Variants in TICAM1 observed in about 807,000 individuals in gnomAD.
TICAM1 encodes TIR domain containing adaptor molecule 1, also known as TIR domain-containing adapter molecule 1.
For synonymous variants in TICAM1, 439 were observed against 415.4 expected (o/e 1.06, Z -0.69); for missense variants, 895 against 938.2 (o/e 0.95, Z 0.60).
At position 4,816,379 on chromosome 19, in the gene TICAM1, A is replaced by G; in HGVS notation, c.1999T>C (p.Ser667Pro). The change falls in exon 2 of 2, where the codon TCA becomes CCA. Residue 667 changes from serine (S) to proline (P), a missense_variant. Physicochemically the swap from Ser to Pro is moderately conservative, Grantham distance 74. Transcript: ENST00000248244. The surrounding 1 kb of genome is among the most constrained non-coding windows in gnomAD (Gnocchi z 4.3). ...FPQSPAFPTA[S>P]PAPPQSPGLQ... Reference sequence around the variant, plus strand: ...CCTGGGCTCTGAGGGGGTGCGGGTGAGGCCGTAGGGAAGGCTGGGGACTGC... The same window carrying G: ...CCTGGGCTCTGAGGGGGTGCGGGTGGGGCCGTAGGGAAGGCTGGGGACTGC... 6.3e-7 allele frequency: 1 copy of G among 1,586,536 alleles called. No homozygotes were observed. Among genetic ancestry groups the G allele is most frequent in the Non-Finnish European group, 8.6e-7 (1 of 1,167,616 alleles).
In TICAM1 at chr19:4,816,186, G is replaced by A; in HGVS notation, c.*53C>T. 6.8e-7 allele frequency: 1 copy of A among 1,464,362 alleles called. No homozygotes were observed. Among genetic ancestry groups the A allele is most frequent in the East Asian group, 2.4e-5 (1 of 41,964 alleles). The allele number at this position is 1,464,362 out of a possible 1,614,324, so 90.7% of individuals were successfully genotyped here. On this transcript the variant is annotated 3_prime_UTR_variant, in exon 2 of 2. Coordinates refer to ENST00000248244, the MANE Select transcript of TICAM1 (RefSeq NM_182919.4). This position sits in a 1 kb window ranked among gnomAD's most constrained non-coding sequence, Gnocchi z 4.3. ...GACCGGGGTGCTCTATGGGGTCCTGGCCGATGCCTGGGTCCAGGGGTGTTC... is the reference window on the plus strand; with the variant it reads ...GACCGGGGTGCTCTATGGGGTCCTGACCGATGCCTGGGTCCAGGGGTGTTC...
At chr19:4,824,933 C>CA (rs1171470603) in intron 1 of TICAM1, among the ~76,000 whole-genome samples, 16 of 145,056 alleles carry the variant, frequency 1.1e-4, no homozygotes, top group South Asian at 4.4e-4. Flanking sequence ...ACTCTGTCTC[C>CA]AAAAAAAAAT....
chr19:4,827,972 C>T (rs1252848747), intron 1 of TICAM1, among the ~76,000 whole-genome samples: 4 of 151,994 alleles, frequency 2.6e-5, no homozygotes, highest in Non-Finnish European at 5.9e-5. Context: ...CATACATTGG[C>T]ACGTACCCTC....
At position 4,818,767 on chromosome 19, in the gene TICAM1, C is replaced by T. The variant is rs930781555; in HGVS notation, c.-139-251G>A. Among the ~76,000 whole-genome samples, 2 of 152,062 alleles carry T rather than the reference C, an allele frequency of 1.3e-5. No homozygotes were observed. The highest frequency in any genetic ancestry group is 2.9e-5 in the Non-Finnish European group (2 of 68,018). Reference sequence around the variant, plus strand: ...GGAGGATCACTTAAGCCCAGGACTTCGAGACCAGCCTGGGCAACACAGCCA... The same window carrying T: ...GGAGGATCACTTAAGCCCAGGACTTTGAGACCAGCCTGGGCAACACAGCCA... On this transcript the variant is annotated intron_variant, in intron 1 of 1. Coordinates refer to ENST00000248244, the MANE Select transcript of TICAM1 (RefSeq NM_182919.4). The surrounding 1 kb of genome is among the most constrained non-coding windows in gnomAD (Gnocchi z 4.0).
chr19:4,829,780 A>G (rs2093611199), intron 1 of TICAM1, among the ~76,000 whole-genome samples: 1 of 151,496 alleles, frequency 6.6e-6, no homozygotes, highest in East Asian at 1.9e-4. Context: ...CTTTTTAAAA[A>G]AATTTTTGAT....
Position 4,816,216 on chromosome 19 carries a change from G to A in TICAM1, c.*23C>T. ...TGCCTGGGTCCAGGGGTGTTCCCCAGGTGGTCAGGCAAGGACACGCGGTCA... is the reference window on the plus strand; with the variant it reads ...TGCCTGGGTCCAGGGGTGTTCCCCAAGTGGTCAGGCAAGGACACGCGGTCA... On this transcript the variant is annotated 3_prime_UTR_variant, in exon 2 of 2. Transcript: ENST00000248244. This position sits in a 1 kb window ranked among gnomAD's most constrained non-coding sequence, Gnocchi z 4.3. 2.7e-6 allele frequency: 4 copies of A among 1,494,354 alleles called. No homozygotes were observed. Among genetic ancestry groups the A allele is most frequent in the Non-Finnish European group, 3.6e-6 (4 of 1,126,642 alleles). 92.6% of individuals were successfully genotyped at this position (1,494,354 alleles called of 1,614,324 possible). A position where few individuals can be genotyped will look rare whatever the true frequency, so the allele number is the denominator to read the frequency against.
chr19:4,818,894 G>A lies in TICAM1; in HGVS notation c.-139-378C>T, dbSNP rs1483647406. ...GGAGGCCGAGGCGGGGGGATCACCTGAGGTCAGGAGTTCGAGACCAGCCTG... is the reference window on the plus strand; with the variant it reads ...GGAGGCCGAGGCGGGGGGATCACCTAAGGTCAGGAGTTCGAGACCAGCCTG... On this transcript the variant is annotated intron_variant, in intron 1 of 1. Transcript: ENST00000248244. This position sits in a 1 kb window ranked among gnomAD's most constrained non-coding sequence, Gnocchi z 4.0. Among the ~76,000 whole-genome samples, 8 of 152,100 alleles carry A rather than the reference G, an allele frequency of 5.3e-5. No homozygotes were observed. Among genetic ancestry groups the A allele is most frequent in the Non-Finnish European group, 1.0e-4 (7 of 68,016 alleles).
chr19:4,827,816 T>C (rs2093608158), intron 1 of TICAM1, among the ~76,000 whole-genome samples: 1 of 151,808 alleles, frequency 6.6e-6, no homozygotes, highest in Admixed American at 6.6e-5. Context: ...CCAAAACTTT[T>C]TGAAATGATC....
In TICAM1 at chr19:4,816,217, G is replaced by C. The variant is rs759894453; in HGVS notation, c.*22C>G. On this transcript the variant is annotated 3_prime_UTR_variant, in exon 2 of 2. Transcript: ENST00000248244. This position sits in a 1 kb window ranked among gnomAD's most constrained non-coding sequence, Gnocchi z 4.3. Reference sequence around the variant, plus strand: ...GCCTGGGTCCAGGGGTGTTCCCCAGGTGGTCAGGCAAGGACACGCGGTCAT... The same window carrying C: ...GCCTGGGTCCAGGGGTGTTCCCCAGCTGGTCAGGCAAGGACACGCGGTCAT... The C allele has an allele frequency of 8.7e-6, 13 of 1,494,144 alleles. No individual in the cohort carries two copies. In the African/African-American group the frequency reaches 1.8e-4, roughly 21 times the overall value. 92.6% of individuals were successfully genotyped at this position (1,494,144 alleles called of 1,614,324 possible). A position where few individuals can be genotyped will look rare whatever the true frequency, so the allele number is the denominator to read the frequency against.
At chr19:4,825,680 G>A (rs1238886768) in intron 1 of TICAM1, among the ~76,000 whole-genome samples, 1 of 151,362 alleles carries the variant, frequency 6.6e-6, no homozygotes, top group African/African-American at 2.4e-5. Context: ...AAAATAGGCC[G>A]GGTGTGGTGG....
At position 4,817,411 on chromosome 19, in the gene TICAM1, T is replaced by G. The variant is rs2093588503; in HGVS notation, c.967A>C (p.Lys323Gln). Residue 323 changes from lysine (K) to glutamine (Q), a missense_variant, in exon 2 of 2, where the codon AAA becomes CAA. Transcript: ENST00000248244. This position sits in a 1 kb window ranked among gnomAD's most constrained non-coding sequence, Gnocchi z 4.7. ...SLPLPILEPV[K>Q]NPCSVKDQTP... The stretch of plus-strand genomic sequence containing the variant: ...TGGTCTTTGACAGAGCAGGGGTTTT[T>G]GACCGGCTCCAGAATAGGCAAGGGG... 1 of 1,614,040 alleles carries G rather than the reference T, an allele frequency of 6.2e-7. No homozygotes were observed. Among genetic ancestry groups the G allele is most frequent in the African/African-American group, 1.3e-5 (1 of 75,030 alleles).
intron 1 of TICAM1, among the ~76,000 whole-genome samples, chr19:4,827,392 A>G (rs1445630793): frequency 1.5e-4 from 22 of 146,758 alleles, no homozygotes; most frequent in African/African-American, 3.7e-4. Context: ...AAAAAAAAAA[A>G]AAAAAAAAAA....
chr19:4,827,782 T>C (rs1413695980), intron 1 of TICAM1, among the ~76,000 whole-genome samples: 1 of 149,822 alleles, frequency 6.7e-6, no homozygotes, highest in Non-Finnish European at 1.5e-5. Context: ...AAAGATCCTA[T>C]ATTCAGGTGG....
Position 4,816,394 on chromosome 19 carries a change from C to A in TICAM1, c.1984G>T (p.Ala662Ser). The stretch of plus-strand genomic sequence containing the variant: ...GGTGCGGGTGAGGCCGTAGGGAAGG[C>A]TGGGGACTGCGGGAAGGGCAGTGAC... ...PQSLPFPQSP[A>S]FPTASPAPPQ... Residue 662 changes from alanine (A) to serine (S), a missense_variant, in exon 2 of 2, where the codon GCC becomes TCC. Physicochemically the swap from Ala to Ser is moderately conservative, Grantham distance 99. Transcript: ENST00000248244. The surrounding 1 kb of genome is among the most constrained non-coding windows in gnomAD (Gnocchi z 4.3). 6.3e-7 allele frequency: 1 copy of A among 1,577,376 alleles called. No homozygotes were observed. Among genetic ancestry groups the A allele is most frequent in the Non-Finnish European group, 8.6e-7 (1 of 1,164,086 alleles).
At chr19:4,826,312 TA>T (rs2093605316) in intron 1 of TICAM1, among the ~76,000 whole-genome samples, 2 of 141,970 alleles carry the variant, frequency 1.4e-5, no homozygotes, top group African/African-American at 2.9e-5. Flanking sequence ...GAGATATATA[TA>T]TATATTTATT....
rs2292151 is a variant in TICAM1 at position 4,816,707 on chromosome 19, G to A, written c.1671C>T (p.Asp557=). ...GTGCCGCCGCCTGCATCCGCTCACCGTCCAGGTGTTGGCTCTGTTCCCGCA... is the reference window on the plus strand; with the variant it reads ...GTGCCGCCGCCTGCATCCGCTCACCATCCAGGTGTTGGCTCTGTTCCCGCA... ...RALREQSQHL[D]GERMQAAALN... is the part of the protein sequence containing the mutation. Residue 557 remains aspartate, a synonymous_variant, in exon 2 of 2, where the codon GAC becomes GAT. Transcript: ENST00000248244. This position sits in a 1 kb window ranked among gnomAD's most constrained non-coding sequence, Gnocchi z 4.3. 0.25 allele frequency: 404,905 copies of A among 1,613,854 alleles called. 53,027 individuals are homozygous for A. Among genetic ancestry groups the A allele is most frequent in the East Asian group, 0.45 (20,364 of 44,858 alleles).
Position 4,817,598 on chromosome 19 carries a change from C to T in TICAM1, c.780G>A (p.Glu260=). 3.1e-6 allele frequency: 5 copies of T among 1,605,426 alleles called. No homozygotes were observed. Among genetic ancestry groups the T allele is most frequent in the Non-Finnish European group, 4.3e-6 (5 of 1,176,330 alleles). The part of the protein sequence containing the change: ...PEEMSWPPSG[E]IASPPELPSS... ...TTGGCAGCTCTGGTGGGCTGGCAAT[C>T]TCCCCCGATGGCGGCCAGCTCATCT... The change falls in exon 2 of 2, where the codon GAG becomes GAA. Residue 260 remains glutamate (E), a synonymous_variant. Transcript: ENST00000248244. The surrounding 1 kb of genome is among the most constrained non-coding windows in gnomAD (Gnocchi z 4.7).
Position 4,817,012 on chromosome 19 carries a change from G to A in TICAM1, c.1366C>T (p.Leu456Phe). The A allele has an allele frequency of 6.2e-7, 1 of 1,614,138 alleles. No individual in the cohort carries two copies. The highest frequency in any genetic ancestry group is 8.5e-7 in the Non-Finnish European group (1 of 1,180,020). ...AGGCGACAGTCGAAGTTGGAGGTGAGAAGTAGGATGATGAAAGCTGAGTGG... is the reference window on the plus strand; with the variant it reads ...AGGCGACAGTCGAAGTTGGAGGTGAAAAGTAGGATGATGAAAGCTGAGTGG... Reference protein sequence around the residue: ...IDHSAFIILLLTSNFDCRLSL... With the variant: ...IDHSAFIILLFTSNFDCRLSL... The change falls in exon 2 of 2, where the codon CTC becomes TTC. Residue 456 changes from leucine to phenylalanine, a missense_variant. Transcript: ENST00000248244. This position sits in a 1 kb window ranked among gnomAD's most constrained non-coding sequence, Gnocchi z 4.7.
At position 4,820,399 on chromosome 19, in the gene TICAM1, G is replaced by A. The variant is rs570586309; in HGVS notation, c.-139-1883C>T. Among the ~76,000 whole-genome samples, 109 of 146,254 alleles carry A rather than the reference G, an allele frequency of 7.5e-4. 2 individuals carry two copies. In the South Asian group the frequency reaches 0.024, roughly 32 times the overall value. ...TGCACCATTGCACTCCAGCCTGGGC[G>A]ACAGAGTGAGACTCCATCTAAAAAA... On this transcript the variant is annotated intron_variant, in intron 1 of 1. Coordinates refer to ENST00000248244, the MANE Select transcript of TICAM1 (RefSeq NM_182919.4).
Sources: allele counts gnomAD v4.1 joint callset (sites outside exome capture counted in the v4.1 genomes callset), GRCh38; gene constraint gnomAD v4.1.1; non-coding constraint Gnocchi (gnomAD v3.1); transcripts MANE v1.5; gene names NCBI Gene and HGNC (gene_info 2026-07-23, HGNC 2026-07-21).